ZFHX3: variants seen among roughly 807,000 people sequenced by gnomAD.
ZFHX3 encodes zinc finger homeobox 3.
A neutral mutation model predicts 279.1 loss-of-function variants in ZFHX3; 42 were observed. The ratio of observed to expected loss-of-function variants is 0.15; its 90% CI spans 0.12 to 0.19. ZFHX3 has a LOEUF of 0.19. Among genes scored for constraint, ZFHX3 ranks in the 10% least tolerant of loss-of-function variants. The probability of loss-of-function intolerance (pLI) is 1.00; values close to 1 mark genes in which losing one functional copy is unlikely to be tolerated. For synonymous variants in ZFHX3, 2,293 were observed against 1,957.8 expected (o/e 1.17, Z -4.52); for missense variants, 4,981 against 4,754.0 (o/e 1.05, Z -1.40).
chr16:73,529,857 G>A lies in ZFHX3; in HGVS notation c.-1546-73599C>T, dbSNP rs115169003. 2.8e-3 allele frequency among the ~76,000 whole-genome samples: 425 copies of A among 152,232 alleles called. 2 individuals carry two copies. Among genetic ancestry groups the A allele is most frequent in the African/African-American group, 8.9e-3 (371 of 41,544 alleles). ...GGGATCATAGGCTGTGTGATGACGC[G>A]TAGCAACCAGGCAGCAGAAATTTCT... is the stretch of plus-strand genomic sequence containing the variant. On this transcript the variant is annotated intron_variant, in intron 2 of 17. Transcript: ENST00000641206.
At chr16:73,378,421 T>A (rs1321141249) in intron 3 of ZFHX3, among the ~76,000 whole-genome samples, 1 of 152,220 alleles carries the variant, frequency 6.6e-6, no homozygotes, top group Non-Finnish European at 1.5e-5. Context: ...ACTAAACTGC[T>A]CTTTCTCACA....
chr16:73,266,283 G>T (rs2013972860), intron 4 of ZFHX3, among the ~76,000 whole-genome samples: 2 of 152,262 alleles, frequency 1.3e-5, no homozygotes, highest in African/African-American at 2.4e-5. Context: ...TTGTGGGTGG[G>T]TATGGAATGT....
rs75112090 is a variant in ZFHX3, at chr16:72,928,677, G to C, written c.3216+21792C>G. Among the ~76,000 whole-genome samples, 217 of 152,300 alleles carry C rather than the reference G, an allele frequency of 1.4e-3. 1 individual carries two copies. The Middle Eastern group carries it at 0.027, about 19-fold the overall frequency. On this transcript the variant is annotated intron_variant, in intron 3 of 9. Coordinates refer to ENST00000268489, the MANE Select transcript of ZFHX3 (RefSeq NM_006885.4). ...AGTAGCACTGTTCTGATCCACGTAAGATAAAATACAAATTCTTAGGCCAGA... is the reference window on the plus strand; with the variant it reads ...AGTAGCACTGTTCTGATCCACGTAACATAAAATACAAATTCTTAGGCCAGA...
intron 2 of ZFHX3, among the ~76,000 whole-genome samples, chr16:73,570,143 T>C (rs1248246962): frequency 6.6e-6 from 1 of 152,224 alleles, no homozygotes; most frequent in African/African-American, 2.4e-5. Context: ...AAGCCATCCT[T>C]ACAAATTTGT....
At chr16:73,634,265 C>G (rs535962468) in intron 2 of ZFHX3, among the ~76,000 whole-genome samples, 2 of 151,368 alleles carry the variant, frequency 1.3e-5, no homozygotes, top group Middle Eastern at 3.2e-3. Context: ...TTCTTCTCTG[C>G]CAAAAAGGGA....
chr16:73,278,191 T>C (rs891593182), intron 4 of ZFHX3, among the ~76,000 whole-genome samples: 6 of 152,200 alleles, frequency 3.9e-5, no homozygotes, highest in Non-Finnish European at 8.8e-5. Flanking sequence ...AAGGAAGAAG[T>C]TTCTCAAACT....
At chr16:72,992,348 C>T (rs1240609451) in intron 1 of ZFHX3, among the ~76,000 whole-genome samples, 1 of 152,174 alleles carries the variant, frequency 6.6e-6, no homozygotes, top group Admixed American at 6.5e-5. Context: ...CCCTGCCTTC[C>T]CCCATTAATG....
rs139194609 is a variant in ZFHX3 at position 73,327,471 on chromosome 16, T to C, written c.-1290-9135A>G. 4.7e-3 allele frequency among the ~76,000 whole-genome samples: 715 copies of C among 152,314 alleles called. 4 individuals are homozygous for C. Among genetic ancestry groups the C allele is most frequent in the African/African-American group, 0.017 (688 of 41,564 alleles). ...ATCTGGGCCTGCCATATTGAAAACA[T>C]GGATGACCAATGGTTGGATGAAAGC... On this transcript the variant is annotated intron_variant, in intron 3 of 17. Transcript: ENST00000641206.
rs971037815 is a variant in ZFHX3 at position 73,785,876 on chromosome 16, AT to A, written c.-1607-105637del. The stretch of plus-strand genomic sequence containing the variant: ...TTGTAACCATTTCTAATCTTGAATG[AT>A]TTTTTTTTTTGAGATGGAGTTTCAC... On this transcript the variant is annotated intron_variant, in intron 1 of 17. Coordinates refer to the ZFHX3 transcript ENST00000641206. Among the ~76,000 whole-genome samples, 88 of 147,334 alleles carry A rather than the reference AT, an allele frequency of 6.0e-4. 1 individual carries two copies. The highest frequency in any genetic ancestry group is 8.7e-4 in the Non-Finnish European group (58 of 66,388).
At chr16:73,387,843 C>A (rs1158642085) in intron 3 of ZFHX3, among the ~76,000 whole-genome samples, 5 of 152,072 alleles carry the variant, frequency 3.3e-5, no homozygotes, top group South Asian at 2.1e-4. Context: ...CAGGAAACTT[C>A]CATATGTCAG....
chr16:72,958,721 CTCCTCCTCCGCCTCT>C lies in ZFHX3; in HGVS notation c.1410_1424del (p.Ala472_Glu476del), dbSNP rs750444123. ...CTTCTTCCTCCTCCTCTTCTTCCTCCTCCTCCTCCGCCTCTTCCTCCTCCTCTTCCTCCTCCGCCT... is the reference window on the plus strand; with the variant it reads ...CTTCTTCCTCCTCCTCTTCTTCCTCCTCCTCCTCCTCTTCCTCCTCCGCCT... On this transcript the variant is annotated inframe_deletion, in exon 2 of 10. Coordinates refer to ENST00000268489, the MANE Select transcript of ZFHX3 (RefSeq NM_006885.4). 8.1e-6 allele frequency: 13 copies of C among 1,612,534 alleles called. No homozygotes were observed. Among genetic ancestry groups the C allele is most frequent in the African/African-American group, 2.7e-5 (2 of 74,836 alleles).
intron 3 of ZFHX3, among the ~76,000 whole-genome samples, chr16:73,421,861 G>A (rs2017724181): frequency 6.6e-6 from 1 of 152,078 alleles, no homozygotes; most frequent in Non-Finnish European, 1.5e-5. Context: ...GCCCTGCCTT[G>A]ACTTATAATG....
chr16:73,031,249 C>G (rs1964685592), intron 1 of ZFHX3, among the ~76,000 whole-genome samples: 1 of 152,046 alleles, frequency 6.6e-6, no homozygotes, highest in Admixed American at 6.6e-5. Flanking sequence ...TTTGAAATAT[C>G]CCAGGTAGCC....
intron 4 of ZFHX3, among the ~76,000 whole-genome samples, chr16:73,264,072 C>A (rs1291390388): frequency 6.6e-6 from 1 of 152,112 alleles, no homozygotes; most frequent in Non-Finnish European, 1.5e-5. Flanking sequence ...GAGACTGAGG[C>A]ATGAGAATAG....
At chr16:73,189,307 G>A (rs2144886937) in intron 5 of ZFHX3, among the ~76,000 whole-genome samples, 1 of 152,338 alleles carries the variant, frequency 6.6e-6, no homozygotes, top group Non-Finnish European at 1.5e-5. Context: ...AGGCCAGTGA[G>A]CAGCTAGCAG....
At chr16:73,091,486 G>A (rs1285170525) in intron 8 of ZFHX3, among the ~76,000 whole-genome samples, 3 of 152,096 alleles carry the variant, frequency 2.0e-5, no homozygotes, top group Non-Finnish European at 2.9e-5. Context: ...CTGTGCTGGC[G>A]ACACTTCTGC....
At chr16:72,876,310 A>G in intron 4 of ZFHX3, among the ~76,000 whole-genome samples, 1 of 152,192 alleles carries the variant, frequency 6.6e-6, no homozygotes, top group East Asian at 1.9e-4. Context: ...CGCTTGAGAA[A>G]CATGATGGAA....
intron 1 of ZFHX3, among the ~76,000 whole-genome samples, chr16:73,760,994 A>G (rs1370142129): frequency 1.5e-5 from 1 of 66,694 alleles, no homozygotes; most frequent in Non-Finnish European, 3.0e-5. Flanking sequence ...AGGCAAGAAA[A>G]AGAAAAAAAA....
At chr16:73,724,237 T>C (rs530356528) in intron 1 of ZFHX3, among the ~76,000 whole-genome samples, 3 of 152,218 alleles carry the variant, frequency 2.0e-5, no homozygotes, top group African/African-American at 7.2e-5. Flanking sequence ...AACTCCTGTG[T>C]GAGCTGCCAA....
Sources: gnomAD v4.1 joint callset for allele counts (sites outside exome capture counted in the v4.1 genomes callset) on GRCh38, gnomAD v4.1.1 for gene constraint, MANE v1.5 for transcripts, NCBI Gene and HGNC (gene_info 2026-07-23, HGNC 2026-07-21) for gene names.